ASAP3: variants seen among roughly 807,000 people sequenced by gnomAD.
The protein encoded by ASAP3 is arf-GAP with SH3 domain, ANK repeat and PH domain-containing protein 3.
Under a neutral mutation model 118.2 loss-of-function variants are expected in ASAP3, and 85 were observed. The observed-to-expected ratio is 0.72, with a 90% confidence interval of 0.60 to 0.86. ASAP3 has a LOEUF of 0.86. Among genes scored for constraint, ASAP3 ranks in the 40% least tolerant of loss-of-function variants. ASAP3 has a pLI of 0.00. For synonymous variants in ASAP3, 432 were observed against 477.4 expected (o/e 0.90, Z 1.24); for missense variants, 1,026 against 1,175.0 (o/e 0.87, Z 1.85).
chr1:23,473,311 T>A (rs771021508), intron 1 of ASAP3, among the ~76,000 whole-genome samples: 12 of 152,206 alleles, frequency 7.9e-5, no homozygotes, highest in Non-Finnish European at 1.6e-4. Context: ...TAAAAGCTCT[T>A]TCAAGGTCTA....
chr1:23,473,680 G>C (rs979667398), intron 1 of ASAP3, among the ~76,000 whole-genome samples: 3 of 152,204 alleles, frequency 2.0e-5, no homozygotes, highest in Non-Finnish European at 4.4e-5. Context: ...CTGAACACTA[G>C]GCAAGGAAGT....
In ASAP3 at chr1:23,460,506, CAA is replaced by C. The variant is rs71023213; in HGVS notation, c.130-4314_130-4313del. Among the ~76,000 whole-genome samples, 806 of 84,776 alleles carry C rather than the reference CAA, an allele frequency of 9.5e-3. 11 individuals are homozygous for C. The highest frequency in any genetic ancestry group is 0.019 in the African/African-American group (402 of 20,674). The allele number at this position is 84,776 out of a possible 152,430, so 55.6% of individuals were successfully genotyped here. A position where few individuals can be genotyped will look rare whatever the true frequency, so the allele number is the denominator to read the frequency against. On this transcript the variant is annotated intron_variant, in intron 1 of 24. Transcript: ENST00000336689. ...CAGGTGACAGAGTGAGACTCCATCT[CAA>C]AAAAAAAAAAAAAAAAAACCAAACA...
chr1:23,442,113 T>G (rs1049774011), intron 7 of ASAP3, 73 bp downstream of exon 7: 2 of 1,457,018 alleles, frequency 1.4e-6, no homozygotes, highest in African/African-American at 1.4e-5. Context: ...CTCTCAGGTC[T>G]ATCACACCTT....
At chr1:23,432,972 C>A (rs941626625) in intron 22 of ASAP3, 105 bp downstream of exon 22, 2 of 1,327,980 alleles carry the variant, frequency 1.5e-6, no homozygotes, top group Non-Finnish European at 2.1e-6. Context: ...GGGAGGTCAT[C>A]ATAAGGATAG....
intron 4 of ASAP3, among the ~76,000 whole-genome samples, chr1:23,452,310 G>C (rs1469106159): frequency 6.6e-6 from 1 of 152,236 alleles, no homozygotes; most frequent in Non-Finnish European, 1.5e-5. Context: ...CAGGCACAGA[G>C]AAAGCAGCTC....
intron 5 of ASAP3, 46 bp from the exon 6 acceptor site, chr1:23,442,658 T>G: frequency 1.9e-6 from 3 of 1,591,390 alleles, no homozygotes; most frequent in Non-Finnish European, 1.7e-6. Context: ...CACCAGCCCC[T>G]ATATCCTCTT....
rs1445822062 is a variant in ASAP3, at chr1:23,440,277, A to G, written c.944+825T>C. ...AGCACTTTGGGAGGCTGAGGCTGGC[A>G]GATCACAAGGTCAGAAGATTGAGAC... On this transcript the variant is annotated intron_variant, in intron 10 of 24. Transcript: ENST00000336689. 1.1e-3 allele frequency among the ~76,000 whole-genome samples: 151 copies of G among 141,036 alleles called. No homozygotes were observed. In the Middle Eastern group the frequency reaches 0.023, roughly 22 times the overall value. 92.5% of individuals were successfully genotyped at this position (141,036 alleles called of 152,430 possible). A position where few individuals can be genotyped will look rare whatever the true frequency, so the allele number is the denominator to read the frequency against.
chr1:23,429,982 G>A (rs758028249), intron 24 of ASAP3, 52 bp from the exon 25 acceptor site: 5 of 1,449,320 alleles, frequency 3.4e-6, no homozygotes, highest in South Asian at 1.2e-5. Context: ...TAACATACCA[G>A]GTGTTCATCT....
chr1:23,432,011 T>A, intron 22 of ASAP3, 93 bp from the exon 23 acceptor site: 70 of 1,185,172 alleles, frequency 5.9e-5, no homozygotes, highest in South Asian at 2.2e-4. Context: ...AGGATTTTTT[T>A]TTTTTTTTTT....
intron 1 of ASAP3, among the ~76,000 whole-genome samples, chr1:23,465,502 C>A (rs1465195361): frequency 1.3e-5 from 2 of 151,628 alleles, no homozygotes; most frequent in Non-Finnish European, 2.9e-5. Flanking sequence ...TCTTTTTTTT[C>A]TTTCTTTTTT....
At chr1:23,433,359 C>T in intron 21 of ASAP3, 66 bp downstream of exon 21, 2 of 1,613,450 alleles carry the variant, frequency 1.2e-6, no homozygotes, top group Non-Finnish European at 1.7e-6. Flanking sequence ...CGCCAACACA[C>T]ACCAGGCCCA....
At chr1:23,478,933 T>C (rs1333030368) in intron 1 of ASAP3, among the ~76,000 whole-genome samples, 1 of 152,136 alleles carries the variant, frequency 6.6e-6, no homozygotes, top group Non-Finnish European at 1.5e-5. Context: ...GGAATCGCCA[T>C]AGATACTTCT....
chr1:23,458,673 G>A (rs956699041), intron 1 of ASAP3, among the ~76,000 whole-genome samples: 5 of 151,480 alleles, frequency 3.3e-5, no homozygotes, highest in Admixed American at 3.3e-4. Context: ...AGGGGAGAAC[G>A]TTTCTTTCTA....
intron 1 of ASAP3, among the ~76,000 whole-genome samples, chr1:23,480,760 T>A (rs371155374): frequency 6.6e-6 from 1 of 152,202 alleles, no homozygotes; most frequent in African/African-American, 2.4e-5. Flanking sequence ...ACAGGGCAGC[T>A]GCCTCCACTG....
At chr1:23,463,894 T>C (rs1206548491) in intron 1 of ASAP3, among the ~76,000 whole-genome samples, 6 of 151,978 alleles carry the variant, frequency 3.9e-5, no homozygotes. Context: ...ATCCATTCTC[T>C]GCTTAACTCA....
At chr1:23,453,078 C>T (rs758291198) in intron 3 of ASAP3, among the ~76,000 whole-genome samples, 6 of 152,082 alleles carry the variant, frequency 3.9e-5, no homozygotes, top group East Asian at 1.9e-4. Flanking sequence ...AGAGTGAGCC[C>T]CTTCCCTGAT....
At chr1:23,483,449 G>A (rs781467717) in intron 1 of ASAP3, among the ~76,000 whole-genome samples, 6 of 152,198 alleles carry the variant, frequency 3.9e-5, no homozygotes, top group Non-Finnish European at 8.8e-5. Context: ...AAGAGGAGAG[G>A]GGAGGGGAGA....
intron 5 of ASAP3, among the ~76,000 whole-genome samples, chr1:23,448,824 C>T (rs1641124504): frequency 6.6e-6 from 1 of 152,110 alleles, no homozygotes. Flanking sequence ...AAGGCAGGAT[C>T]ATTATCCCAT....
rs1026401471 is a variant in ASAP3 at position 23,438,580 on chromosome 1, A to G, written c.1102+167T>C. On this transcript the variant is annotated intron_variant, in intron 12 of 24. Transcript: ENST00000336689. The surrounding 1 kb of genome is among the most constrained non-coding windows in gnomAD (Gnocchi z 4.9). ...TGGGTGCATTTTGACATTTAATGTG[A>G]TGTGGGTATCCTAGACCTAAGGATT... 3.9e-5 allele frequency among the ~76,000 whole-genome samples: 6 copies of G among 152,178 alleles called. No homozygotes were observed.
Sources: allele counts gnomAD v4.1 joint callset (sites outside exome capture counted in the v4.1 genomes callset), GRCh38; gene constraint gnomAD v4.1.1; non-coding constraint Gnocchi (gnomAD v3.1); transcripts MANE v1.5; gene names NCBI Gene and HGNC (gene_info 2026-07-23, HGNC 2026-07-21).